LAMA4: variants seen among roughly 807,000 people sequenced by gnomAD.
LAMA4 encodes the protein laminin subunit alpha-4.
A neutral mutation model predicts 207.1 loss-of-function variants in LAMA4; 127 were observed. The ratio of observed to expected loss-of-function variants is 0.61; its 90% CI spans 0.53 to 0.71. The LOEUF (loss-of-function observed/expected upper bound fraction) is 0.71. Among genes scored for constraint, LAMA4 ranks in the 30% least tolerant of loss-of-function variants. The pLI is 0.00. For missense variants in LAMA4, 2,093 were observed against 2,246.5 expected (o/e 0.93, Z 1.38); for synonymous variants, 761 against 816.0 (o/e 0.93, Z 1.15).
At chr6:112,180,257 T>C (rs982629008) in intron 9 of LAMA4, among the ~76,000 whole-genome samples, 2 of 152,208 alleles carry the variant, frequency 1.3e-5, no homozygotes, top group Non-Finnish European at 2.9e-5. Flanking sequence ...ATGTCATGCC[T>C]ATAAGAAAAC....
At chr6:112,186,784 A>G (rs1396583510) in intron 8 of LAMA4, 1 of 450,058 alleles carries the variant, frequency 2.2e-6, no homozygotes. Flanking sequence ...TATATTTTCT[A>G]TCTGTGATTG....
intron 5 of LAMA4, among the ~76,000 whole-genome samples, chr6:112,196,089 T>G (rs1554350428): frequency 6.6e-6 from 1 of 152,116 alleles, no homozygotes; most frequent in East Asian, 1.9e-4. Context: ...CAGAGTGATA[T>G]TCCCATACAT....
At position 112,158,663 on chromosome 6, in the gene LAMA4, T is replaced by C. The variant is rs1583751812; in HGVS notation, c.1817+69A>G. ...AAATTGTATCCCAGTAGTTCTGACATATGGAATTGAATAGTAATATTTTAT... is the reference window on the plus strand; with the variant it reads ...AAATTGTATCCCAGTAGTTCTGACACATGGAATTGAATAGTAATATTTTAT... On this transcript the variant is annotated intron_variant, in intron 14 of 38. Transcript: ENST00000230538. 9.3e-6 allele frequency: 13 copies of C among 1,397,940 alleles called. No homozygotes were observed. The East Asian group carries it at 3.0e-4, about 32-fold the overall frequency. The allele number at this position is 1,397,940 out of a possible 1,614,324, so 86.6% of individuals were successfully genotyped here.
intron 2 of LAMA4, among the ~76,000 whole-genome samples, chr6:112,248,807 GA>G (rs563857589): frequency 1.3e-5 from 2 of 150,012 alleles, no homozygotes; most frequent in Non-Finnish European, 1.5e-5. Flanking sequence ...CTCTATAGTT[GA>G]AAAAAAAAGT....
chr6:112,197,155 T>C (rs1454117320), intron 5 of LAMA4, among the ~76,000 whole-genome samples: 22 of 152,202 alleles, frequency 1.4e-4, no homozygotes. Flanking sequence ...ATTTTTATCA[T>C]CATGATCATG....
rs1251372022 is a variant in LAMA4, at chr6:112,232,272, T to TCC, written c.196-15804_196-15803insGG. 4.6e-5 allele frequency among the ~76,000 whole-genome samples: 7 copies of TCC among 152,252 alleles called. No individual in the cohort carries two copies. The East Asian group carries it at 1.4e-3, about 29-fold the overall frequency. ...TGGGGAGCTTATTTAAAAAACAGAT[T>TCC]TTGCAACAAGTGGTAAATATACAGG... On this transcript the variant is annotated intron_variant, in intron 2 of 38. Transcript: ENST00000230538.
chr6:112,158,691 A>AC (rs1780872461), intron 14 of LAMA4, 41 bp downstream of exon 14: 1 of 1,553,002 alleles, frequency 6.4e-7, no homozygotes, highest in Non-Finnish European at 8.9e-7. Context: ...TATTTTATTC[A>AC]CCCCATGTAG....
Position 112,117,938 on chromosome 6 carries a change from C to A in LAMA4, c.4822-40G>T. The A allele has an allele frequency of 6.3e-7, 1 of 1,580,866 alleles. No individual in the cohort carries two copies. Among genetic ancestry groups the A allele is most frequent in the South Asian group, 1.1e-5 (1 of 90,034 alleles). On this transcript the variant is annotated intron_variant, in intron 34 of 38. Coordinates refer to ENST00000230538, the MANE Select transcript of LAMA4 (RefSeq NM_001105206.3). The surrounding 1 kb of genome is among the most constrained non-coding windows in gnomAD (Gnocchi z 4.5). ...TATTTCTTAAAATCAATTTTCTCAA[C>A]ACAAATGCACCAAGGGGAAGCAAAA...
At chr6:112,169,948 G>A (rs193104450) in intron 12 of LAMA4, among the ~76,000 whole-genome samples, 1 of 152,214 alleles carries the variant, frequency 6.6e-6, no homozygotes, top group Non-Finnish European at 1.5e-5. Flanking sequence ...CAGCAAATCG[G>A]CTGGTTTGTG....
intron 13 of LAMA4, among the ~76,000 whole-genome samples, chr6:112,161,845 T>C (rs968296110): frequency 1.3e-5 from 2 of 151,626 alleles, no homozygotes; most frequent in Admixed American, 6.6e-5. Context: ...ATTTGAAAAA[T>C]AGAGAGGAGT....
chr6:112,227,858 A>C (rs1160199122), intron 2 of LAMA4, among the ~76,000 whole-genome samples: 1 of 152,194 alleles, frequency 6.6e-6, no homozygotes, highest in African/African-American at 2.4e-5. Flanking sequence ...CTAGCAGTAA[A>C]GCTACATGTC....
At chr6:112,241,195 A>ATATATG (rs1554187664) in intron 2 of LAMA4, among the ~76,000 whole-genome samples, 1 of 139,444 alleles carries the variant, frequency 7.2e-6, no homozygotes, top group African/African-American at 2.6e-5. Flanking sequence ...ATATATGAAT[A>ATATATG]TATATGATAT....
intron 6 of LAMA4, among the ~76,000 whole-genome samples, chr6:112,189,764 A>G (rs1359550238): frequency 2.0e-5 from 3 of 152,186 alleles, no homozygotes; most frequent in African/African-American, 7.2e-5. Flanking sequence ...GTGCAATAAG[A>G]ATAATGTGCT....
intron 2 of LAMA4, among the ~76,000 whole-genome samples, chr6:112,233,557 AAAGAAATGCTGAGTGAGCTAAG>A (rs1184579147): frequency 1.3e-5 from 2 of 152,214 alleles, no homozygotes; most frequent in African/African-American, 4.8e-5. Context: ...TGAGAGGTAC[AAAGAAATGCTGAGTGAGCTAAG>A]AAGAGCAAGA....
chr6:112,126,799 T>G lies in LAMA4; in HGVS notation c.4287+2123A>C, dbSNP rs115189781. Among the ~76,000 whole-genome samples the G allele has an allele frequency of 3.4e-3, 515 of 152,332 alleles. 4 individuals are homozygous for G. Among genetic ancestry groups the G allele is most frequent in the African/African-American group, 9.3e-3 (385 of 41,584 alleles). The stretch of plus-strand genomic sequence containing the variant: ...GCAAACTAAAACCTCAATTTGTCCA[T>G]CAGAATTGCAAAATTATAGAAATTT... On this transcript the variant is annotated intron_variant, in intron 31 of 38. Transcript: ENST00000230538.
intron 19 of LAMA4, among the ~76,000 whole-genome samples, chr6:112,143,838 A>G (rs145769095): frequency 5.3e-5 from 8 of 152,320 alleles, no homozygotes; most frequent in African/African-American, 1.9e-4. Flanking sequence ...TTAGAATGCC[A>G]TTTCTTGATG....
At chr6:112,130,830 A>G (rs1778992848) in intron 29 of LAMA4, 138 bp downstream of exon 29, 2 of 817,458 alleles carry the variant, frequency 2.4e-6, no homozygotes, top group Non-Finnish European at 4.1e-6. Context: ...TTTTTTGAGG[A>G]AGATAAGTTG....
chr6:112,177,458 A>T (rs1353345065), intron 10 of LAMA4, among the ~76,000 whole-genome samples: 1 of 152,226 alleles, frequency 6.6e-6, no homozygotes, highest in Non-Finnish European at 1.5e-5. Context: ...TTTATCCTAT[A>T]ACAGATGAAA....
At chr6:112,130,298 T>C (rs1405423909) in intron 29 of LAMA4, 1 of 459,324 alleles carries the variant, frequency 2.2e-6, no homozygotes, top group African/African-American at 3.2e-5. Flanking sequence ...TCAGCATTAT[T>C]TTTGTGTGTG....
Sources: gnomAD v4.1 joint callset for allele counts (sites outside exome capture counted in the v4.1 genomes callset) on GRCh38, gnomAD v4.1.1 for gene constraint, Gnocchi (gnomAD v3.1) non-coding constraint, MANE v1.5 for transcripts, NCBI Gene and HGNC (gene_info 2026-07-23, HGNC 2026-07-21) for gene names.